PRKN: variants seen among roughly 807,000 people sequenced by gnomAD.
PRKN encodes the protein parkin RBR E3 ubiquitin protein ligase, also known as E3 ubiquitin-protein ligase parkin.
In PRKN, 56 loss-of-function variants were observed where a neutral mutation model predicts 59.5. That is an observed-to-expected ratio of 0.94 (90% CI 0.76 to 1.18). The LOEUF (loss-of-function observed/expected upper bound fraction) is 1.18, where lower values mean the gene tolerates loss of function less well. Ranked by LOEUF, PRKN falls within the 50% of genes most tolerant of loss-of-function variation. PRKN has a pLI of 0.00. For missense variants in PRKN, 657 were observed against 596.4 expected (o/e 1.10, Z -1.06); for synonymous variants, 250 against 222.1 (o/e 1.13, Z -1.12).
At chr6:161,512,233 A>G (rs1778417974) in intron 9 of PRKN, among the ~76,000 whole-genome samples, 1 of 152,202 alleles carries the variant, frequency 6.6e-6, no homozygotes, top group African/African-American at 2.4e-5. Flanking sequence ...TGCTGCAAAT[A>G]TGATAAAACA....
intron 6 of PRKN, among the ~76,000 whole-genome samples, chr6:161,953,626 A>G (rs1418474187): frequency 6.6e-6 from 1 of 152,178 alleles, no homozygotes; most frequent in African/African-American, 2.4e-5. Flanking sequence ...CCAGCCCTGC[A>G]GGTACTGCTG....
intron 5 of PRKN, among the ~76,000 whole-genome samples, chr6:161,996,706 C>G (rs975927011): frequency 4.6e-5 from 7 of 151,856 alleles, no homozygotes; most frequent in Admixed American, 3.9e-4. Flanking sequence ...ACATAGATAA[C>G]AACACTATTC....
chr6:162,010,655 ATATAT>A (rs1196583610), intron 5 of PRKN, among the ~76,000 whole-genome samples: 1 of 4,782 alleles, frequency 2.1e-4, no homozygotes, highest in Non-Finnish European at 2.5e-4. Context: ...ATATTATATA[ATATAT>A]TATATATAAT....
intron 1 of PRKN, among the ~76,000 whole-genome samples, chr6:162,547,333 C>A (rs1385321084): frequency 6.6e-6 from 1 of 152,264 alleles, no homozygotes; most frequent in Non-Finnish European, 1.5e-5. Flanking sequence ...GAGGGCATGG[C>A]AAGATTTACT....
rs1426269586 is a variant in PRKN, at chr6:161,544,194, G to A, written c.1083+4660C>T. On this transcript the variant is annotated intron_variant, in intron 9 of 11. Transcript: ENST00000366898. This position sits in a 1 kb window ranked among gnomAD's most constrained non-coding sequence, Gnocchi z 5.5. Reference sequence around the variant, plus strand: ...ATCAGAATGTACTCTTTACTTGGCCGTGTATGTAGCCTTTGATAGAGCACA... The same window carrying A: ...ATCAGAATGTACTCTTTACTTGGCCATGTATGTAGCCTTTGATAGAGCACA... Among the ~76,000 whole-genome samples the A allele has an allele frequency of 4.6e-5, 7 of 152,260 alleles. No homozygotes were observed. The South Asian group carries it at 8.3e-4, about 18-fold the overall frequency.
intron 7 of PRKN, among the ~76,000 whole-genome samples, chr6:161,663,907 G>T (rs1784636205): frequency 1.3e-5 from 2 of 152,166 alleles, no homozygotes; most frequent in South Asian, 4.1e-4. Flanking sequence ...GAGTGGCTTG[G>T]GTTGGCTTTG....
intron 1 of PRKN, among the ~76,000 whole-genome samples, chr6:162,680,316 TAC>T (rs1026000127): frequency 2.6e-4 from 39 of 150,930 alleles, no homozygotes; most frequent in African/African-American, 9.0e-4. Context: ...AGGAAGAAAA[TAC>T]AGATATATTT....
At chr6:162,569,563 T>C (rs10945848) in intron 1 of PRKN, 386,210 of 707,416 alleles carry the variant, frequency 0.55, 108,195 homozygotes, top group East Asian at 0.76. Flanking sequence ...CCTATGGGGG[T>C]CTCACAAGCC....
chr6:161,669,719 C>A (rs1288255716), intron 7 of PRKN, among the ~76,000 whole-genome samples: 5 of 152,244 alleles, frequency 3.3e-5, no homozygotes, highest in African/African-American at 1.2e-4. Flanking sequence ...TTATCTGCTG[C>A]AGTGTTGGTA....
intron 9 of PRKN, among the ~76,000 whole-genome samples, chr6:161,494,842 C>T (rs147129196): frequency 1.3e-5 from 2 of 152,164 alleles, no homozygotes; most frequent in Non-Finnish European, 2.9e-5. Context: ...TCCAGGCGAA[C>T]ATCAAGTTCT....
At chr6:162,253,074 G>C (rs556468034) in intron 3 of PRKN, among the ~76,000 whole-genome samples, 6 of 152,304 alleles carry the variant, frequency 3.9e-5, no homozygotes, top group Admixed American at 3.9e-4. Flanking sequence ...GGACGCTGTT[G>C]TCTACAGTAA....
At chr6:162,595,317 G>A (rs1367331972) in intron 1 of PRKN, among the ~76,000 whole-genome samples, 1 of 151,014 alleles carries the variant, frequency 6.6e-6, no homozygotes, top group African/African-American at 2.4e-5. Flanking sequence ...GTGCAGTGGT[G>A]CAATCTTGGC....
At chr6:162,188,322 C>T (rs1784114680) in intron 4 of PRKN, among the ~76,000 whole-genome samples, 1 of 152,188 alleles carries the variant, frequency 6.6e-6, no homozygotes, top group Admixed American at 6.5e-5. Context: ...CCCACTATGA[C>T]CAACCCTGGT....
At chr6:162,377,492 T>C (rs1365592611) in intron 2 of PRKN, among the ~76,000 whole-genome samples, 1 of 152,232 alleles carries the variant, frequency 6.6e-6, no homozygotes, top group Non-Finnish European at 1.5e-5. Context: ...TTGATTTCTC[T>C]GGGTGCAGAC....
rs1391290203 is a variant in PRKN, at chr6:161,355,163, G to A, written c.1285+4925C>T. On this transcript the variant is annotated intron_variant, in intron 11 of 11. Coordinates refer to ENST00000366898, the MANE Select transcript of PRKN (RefSeq NM_004562.3). This position sits in a 1 kb window ranked among gnomAD's most constrained non-coding sequence, Gnocchi z 6.8. The stretch of plus-strand genomic sequence containing the variant: ...AGGGGCTGCCTCCGCACACCGGCGC[G>A]CGCACACCCGGTGTCTTTGCTCATG... Among the ~76,000 whole-genome samples the A allele has an allele frequency of 6.6e-5, 10 of 152,192 alleles. No individual in the cohort carries two copies. Among genetic ancestry groups the A allele is most frequent in the East Asian group, 1.9e-4 (1 of 5,172 alleles).
At chr6:162,556,116 C>G (rs1335062868) in intron 1 of PRKN, among the ~76,000 whole-genome samples, 2 of 151,982 alleles carry the variant, frequency 1.3e-5, no homozygotes, top group African/African-American at 2.4e-5. Context: ...CAGAAACAGG[C>G]AATACATCCG....
At chr6:162,179,378 T>C (rs9347597) in intron 4 of PRKN, among the ~76,000 whole-genome samples, 78,332 of 152,110 alleles carry the variant, frequency 0.51, 21,638 homozygotes, top group Non-Finnish European at 0.63. Context: ...CCATGGCAGA[T>C]GGACTGCCGG....
chr6:162,036,596 C>A (rs1390718097), intron 5 of PRKN, among the ~76,000 whole-genome samples: 1 of 151,716 alleles, frequency 6.6e-6, no homozygotes, highest in Non-Finnish European at 1.5e-5. Context: ...GGCCTGACTT[C>A]TCTGGAGCTT....
At position 161,899,034 on chromosome 6, in the gene PRKN, T is replaced by C. The variant is rs757793103; in HGVS notation, c.734+74268A>G. Among the ~76,000 whole-genome samples, 5 of 152,280 alleles carry C rather than the reference T, an allele frequency of 3.3e-5. No individual in the cohort carries two copies. In the Middle Eastern group the frequency reaches 0.01, roughly 311 times the overall value. On this transcript the variant is annotated intron_variant, in intron 6 of 11. Coordinates refer to ENST00000366898, the MANE Select transcript of PRKN (RefSeq NM_004562.3). The stretch of plus-strand genomic sequence containing the variant: ...TCCTCTGCCCAAAGCATCGCTTACT[T>C]GAGGTTGGCAGCTGGCTGCACAGCA...
Sources: allele counts gnomAD v4.1 joint callset (sites outside exome capture counted in the v4.1 genomes callset), GRCh38; gene constraint gnomAD v4.1.1; non-coding constraint Gnocchi (gnomAD v3.1); transcripts MANE v1.5; gene names NCBI Gene and HGNC (gene_info 2026-07-23, HGNC 2026-07-21).